Variants in GRAMD1B observed in about 807,000 individuals in gnomAD.
The protein encoded by GRAMD1B is protein Aster-B.
Under a neutral mutation model 99.7 loss-of-function variants are expected in GRAMD1B, and 37 were observed. The observed-to-expected ratio is 0.37, with a 90% CI of 0.29 to 0.49. The LOEUF (loss-of-function observed/expected upper bound fraction) is 0.49. Ranked by LOEUF, GRAMD1B falls within the 20% of genes least tolerant of loss-of-function variation. GRAMD1B has a pLI of 0.98. For missense variants in GRAMD1B, 888 were observed against 1,009.2 expected, an observed-to-expected ratio of 0.88 and a Z score of 1.63; for synonymous variants, 427 against 387.6, an observed-to-expected ratio of 1.10 and a Z score of -1.19.
intron 2 of GRAMD1B, among the ~76,000 whole-genome samples, chr11:123,494,985 G>A (rs1939065490): frequency 6.6e-6 from 1 of 152,124 alleles, no homozygotes; most frequent in Non-Finnish European, 1.5e-5. Context: ...GCTCGGGAGA[G>A]CTCTTTACTA....
At chr11:123,455,960 A>G (rs1950098762) in intron 1 of GRAMD1B, among the ~76,000 whole-genome samples, 2 of 151,944 alleles carry the variant, frequency 1.3e-5, no homozygotes, top group African/African-American at 2.4e-5. Flanking sequence ...ATTTGAGGTC[A>G]GGAGTTCGAG....
chr11:123,401,427 C>T lies in GRAMD1B; in HGVS notation c.-176+42628C>T, dbSNP rs148252718. Among the ~76,000 whole-genome samples the T allele has an allele frequency of 2.0e-3, 311 of 152,364 alleles. 2 individuals carry two copies. Among genetic ancestry groups the T allele is most frequent in the African/African-American group, 7.3e-3 (302 of 41,594 alleles). ...GTAGGCAGGCATGGGCTGTTGGCCCCGTGCAGAGCACATGCTCTTAACCTC... is the reference window on the plus strand; with the variant it reads ...GTAGGCAGGCATGGGCTGTTGGCCCTGTGCAGAGCACATGCTCTTAACCTC... On this transcript the variant is annotated intron_variant, in intron 1 of 20. Coordinates refer to the GRAMD1B transcript ENST00000638157.
At chr11:123,381,239 G>A (rs771522040) in intron 1 of GRAMD1B, among the ~76,000 whole-genome samples, 2 of 152,192 alleles carry the variant, frequency 1.3e-5, no homozygotes, top group African/African-American at 2.4e-5. Context: ...TGGTGGTGAC[G>A]ATGGCCCTGA....
chr11:123,607,031 TC>T (rs1378696547), intron 11 of GRAMD1B, among the ~76,000 whole-genome samples: 1 of 152,154 alleles, frequency 6.6e-6, no homozygotes, highest in East Asian at 1.9e-4. Context: ...CACTAAATGT[TC>T]CCCCTATTGA....
At chr11:123,458,584 A>G (rs973601114) in intron 1 of GRAMD1B, 2 of 152,204 alleles carry the variant, frequency 1.3e-5, no homozygotes, top group African/African-American at 4.8e-5. Context: ...CCTTCTCACT[A>G]AAATCAATCT....
At chr11:123,490,853 A>G (rs556874730) in intron 2 of GRAMD1B, among the ~76,000 whole-genome samples, 83 of 152,322 alleles carry the variant, frequency 5.4e-4, no homozygotes, top group African/African-American at 1.9e-3. Context: ...AGGTGGATGC[A>G]GGTGAGTTCC....
At chr11:123,606,541 A>T (rs1952752023) in intron 10 of GRAMD1B, 68 bp from the exon 11 acceptor site, 1 of 1,409,838 alleles carries the variant, frequency 7.1e-7, no homozygotes, top group African/African-American at 1.4e-5. Flanking sequence ...CTGCATCCCT[A>T]ATCTCCCTTT....
At chr11:123,613,376 G>T in intron 15 of GRAMD1B, 79 bp from the exon 16 acceptor site, 1 of 1,083,322 alleles carries the variant, frequency 9.2e-7, no homozygotes, top group East Asian at 2.6e-5. Flanking sequence ...CCAGAATACA[G>T]AATAGGAAAA....
At chr11:123,556,857 C>T (rs1946233795) in intron 2 of GRAMD1B, among the ~76,000 whole-genome samples, 1 of 152,182 alleles carries the variant, frequency 6.6e-6, no homozygotes, top group South Asian at 2.1e-4. Flanking sequence ...TTTGTGCTGT[C>T]CTTTCAAGAA....
At chr11:123,550,668 G>A (rs934622655) in intron 2 of GRAMD1B, among the ~76,000 whole-genome samples, 10 of 152,068 alleles carry the variant, frequency 6.6e-5, no homozygotes, top group African/African-American at 2.4e-4. Context: ...ATCTTAACTG[G>A]GGCATCCAGC....
chr11:123,615,818 C>T (rs1237779562), intron 17 of GRAMD1B, among the ~76,000 whole-genome samples: 1 of 152,106 alleles, frequency 6.6e-6, no homozygotes, highest in Non-Finnish European at 1.5e-5. Context: ...AACATTACAG[C>T]CTTGGTGTGA....
At chr11:123,481,485 CA>C (rs1951604684) in intron 2 of GRAMD1B, among the ~76,000 whole-genome samples, 1 of 151,816 alleles carries the variant, frequency 6.6e-6, no homozygotes, top group Non-Finnish European at 1.5e-5. Flanking sequence ...ACAAACTTTA[CA>C]GTGGAGTTAG....
chr11:123,535,757 T>C (rs1392249814), intron 2 of GRAMD1B, among the ~76,000 whole-genome samples: 2 of 152,222 alleles, frequency 1.3e-5, no homozygotes, highest in Non-Finnish European at 2.9e-5. Flanking sequence ...CTGTTCACCG[T>C]TCAGTTAAGC....
chr11:123,578,648 C>T (rs1949002527), intron 3 of GRAMD1B, among the ~76,000 whole-genome samples: 2 of 152,176 alleles, frequency 1.3e-5, no homozygotes. Flanking sequence ...CAGACCCTCC[C>T]CCACTCCCGA....
chr11:123,606,604 T>C lies in GRAMD1B; in HGVS notation c.1324-5T>C. The C allele has an allele frequency of 6.2e-7, 1 of 1,607,178 alleles. No homozygotes were observed. On this transcript the variant is annotated splice_polypyrimidine_tract_variant and splice_region_variant and intron_variant, in intron 10 of 19. Transcript: ENST00000635736. ...TGGTGGGTGACTCCTCTGTCTTGGC[T>C]CCAGTTTGATGGGCTGCCCCTGGAG...
chr11:123,454,084 C>T (rs1950006679), intron 1 of GRAMD1B, among the ~76,000 whole-genome samples: 1 of 152,230 alleles, frequency 6.6e-6, no homozygotes, highest in Non-Finnish European at 1.5e-5. Flanking sequence ...TTCAATCCTG[C>T]TTCCATGGAG....
At chr11:123,400,817 A>G (rs927209222) in intron 1 of GRAMD1B, among the ~76,000 whole-genome samples, 1 of 152,204 alleles carries the variant, frequency 6.6e-6, no homozygotes. Flanking sequence ...ATGTTCTGTC[A>G]TTCCTTATAT....
chr11:123,548,321 T>TACAC (rs1484787385), intron 2 of GRAMD1B, among the ~76,000 whole-genome samples: 4 of 107,232 alleles, frequency 3.7e-5, no homozygotes, highest in African/African-American at 1.8e-4. Flanking sequence ...TATATATATA[T>TACAC]ATATACACAC....
chr11:123,429,128 G>A (rs1948756062), upstream of GRAMD1B, among the ~76,000 whole-genome samples: 1 of 152,208 alleles, frequency 6.6e-6, no homozygotes, highest in Non-Finnish European at 1.5e-5. The surrounding 1 kb of genome is among the most constrained non-coding windows in gnomAD (Gnocchi z 4.0). Flanking sequence ...AGGAATTCAA[G>A]GTTGCGGTGA....
Sources: gnomAD v4.1 joint callset for allele counts (sites outside exome capture counted in the v4.1 genomes callset) on GRCh38, gnomAD v4.1.1 for gene constraint, Gnocchi (gnomAD v3.1) non-coding constraint, MANE v1.5 for transcripts, NCBI Gene and HGNC (gene_info 2026-07-23, HGNC 2026-07-21) for gene names.